SLC25A22: variants seen among roughly 807,000 people sequenced by gnomAD.
The protein encoded by SLC25A22 is solute carrier family 25 member 22, also known as mitochondrial glutamate carrier 1.
SLC25A22 carries 23 observed loss-of-function variants against 33.7 expected under a neutral mutation model. The ratio of observed to expected loss-of-function variants is 0.68; its 90% CI spans 0.49 to 0.97. The LOEUF (loss-of-function observed/expected upper bound fraction) is 0.97. SLC25A22 is among the 50% of genes least tolerant of loss of function. SLC25A22 has a pLI of 0.00. For synonymous variants in SLC25A22, 245 were observed against 203.8 expected, an observed-to-expected ratio of 1.20 and a Z score of -1.72; for missense variants, 390 against 451.1, an observed-to-expected ratio of 0.86 and a Z score of 1.23.
At chr11:794,014 C>T (rs1864664402) in intron 4 of SLC25A22, 2 of 466,934 alleles carry the variant, frequency 4.3e-6, no homozygotes, top group Admixed American at 3.3e-5. Flanking sequence ...TGGGCCAGAG[C>T]TCGGGGGAGG....
In SLC25A22 at chr11:793,087, C is replaced by T. The variant is rs979957861; in HGVS notation, c.294-99G>A. 6.2e-5 allele frequency: 72 copies of T among 1,170,668 alleles called. No homozygotes were observed. In the South Asian group the frequency reaches 7.6e-4, roughly 12 times the overall value. 72.5% of individuals were successfully genotyped at this position (1,170,668 alleles called of 1,614,324 possible). A position where few individuals can be genotyped will look rare whatever the true frequency, so the allele number is the denominator to read the frequency against. On this transcript the variant is annotated intron_variant, in intron 5 of 9. Coordinates refer to ENST00000628067, the MANE Select transcript of SLC25A22 (RefSeq NM_001191061.2). ...CCTGGGCGCAGAGGATGGTGGGAGC[C>T]GTGGAGGCAGATGCAGGCCTGTGGG...
Position 794,902 on chromosome 11 carries a change from C to T in SLC25A22, c.21-1G>A. ...GCCATTGATGAGCTTGGCTGGCAGG[C>T]TGTGTGGACAGGGGTGTCAGGACCG... On this transcript the variant is annotated splice_acceptor_variant, in intron 2 of 9. Coordinates refer to ENST00000628067, the MANE Select transcript of SLC25A22 (RefSeq NM_001191061.2). LOFTEE classifies it high-confidence loss of function. 6.4e-7 allele frequency: 1 copy of T among 1,565,036 alleles called. No homozygotes were observed. The highest frequency in any genetic ancestry group is 8.7e-7 in the Non-Finnish European group (1 of 1,154,736).
Position 792,618 on chromosome 11 carries a change from G to T in SLC25A22, c.522C>A (p.Thr174=). The T allele has an allele frequency of 1.9e-6, 3 of 1,604,250 alleles. No homozygotes were observed. The highest frequency in any genetic ancestry group is 1.1e-5 in the South Asian group (1 of 90,228). ...AAPRPTATQL[T]RDLLRSRGIA... is the part of the protein sequence containing the mutation. Reference sequence around the variant, plus strand: ...TGCCACGGCTCCGCAGCAGGTCGCGGGTCAGCTGGGTGGCCGTGGGCCGAG... The same window carrying T: ...TGCCACGGCTCCGCAGCAGGTCGCGTGTCAGCTGGGTGGCCGTGGGCCGAG... Residue 174 remains threonine, a synonymous_variant, in exon 7 of 10, where the codon ACC becomes ACA. Transcript: ENST00000628067.
Position 792,727 on chromosome 11 carries a change from G to T in SLC25A22, c.413C>A (p.Ala138Asp). Residue 138 changes from alanine to aspartate, a missense_variant and splice_region_variant, in exon 7 of 10, where the codon GCC (alanine) becomes GAC (aspartate). Coordinates refer to ENST00000628067, the MANE Select transcript of SLC25A22 (RefSeq NM_001191061.2). ...GGCAGCCAGGATCTTCCTCTGGGCG[G>T]CTGGGGACAAAGAGGCTGCTGTCTC... ...KIQLQDAGRIAAQRKILAAQG... is the reference protein window; with the variant it reads ...KIQLQDAGRIDAQRKILAAQG... 1 of 1,546,142 alleles carries T rather than the reference G, an allele frequency of 6.5e-7. No individual in the cohort carries two copies. The highest frequency in any genetic ancestry group is 8.7e-7 in the Non-Finnish European group (1 of 1,150,148).
Position 795,159 on chromosome 11 carries a change from C to T in SLC25A22, c.-153G>A. Reference sequence around the variant, plus strand: ...GGGAATTTCCAGGCGTCAGCAACCGCCACTTCTGTCCTAGAAGGATGAGGG... The same window carrying T: ...GGGAATTTCCAGGCGTCAGCAACCGTCACTTCTGTCCTAGAAGGATGAGGG... On this transcript the variant is annotated 5_prime_UTR_variant, in exon 2 of 10. Transcript: ENST00000628067. 1 of 884,316 alleles carries T rather than the reference C, an allele frequency of 1.1e-6. No individual in the cohort carries two copies. Among genetic ancestry groups the T allele is most frequent in the Non-Finnish European group, 1.8e-6 (1 of 554,222 alleles). The allele number at this position is 884,316 out of a possible 1,614,324, so 54.8% of individuals were successfully genotyped here. A position where few individuals can be genotyped will look rare whatever the true frequency, so the allele number is the denominator to read the frequency against.
In SLC25A22 at chr11:795,123, T is replaced by A; in HGVS notation, c.-117A>T. ...GGGACCCAGGGGGGTTGGGTGGTGC[T>A]CCACCTTCAGGGGAATTTCCAGGCG... On this transcript the variant is annotated 5_prime_UTR_variant, in exon 2 of 10. Coordinates refer to ENST00000628067, the MANE Select transcript of SLC25A22 (RefSeq NM_001191061.2). 1.6e-6 allele frequency: 2 copies of A among 1,287,274 alleles called. No homozygotes were observed. Among genetic ancestry groups the A allele is most frequent in the Non-Finnish European group, 2.2e-6 (2 of 919,528 alleles). 79.7% of individuals were successfully genotyped at this position (1,287,274 alleles called of 1,614,324 possible).
intron 1 of SLC25A22, chr11:796,291 CGTGGGGCGGG>C (rs1056942445): frequency 7.3e-5 from 5 of 68,028 alleles, no homozygotes; most frequent in Admixed American, 2.6e-4. Flanking sequence ...AGGGATTGGC[CGTGGGGCGGG>C]GTGGGGCGGG....
chr11:796,119 C>G (rs987893714), intron 1 of SLC25A22: 1 of 152,626 alleles, frequency 6.6e-6, no homozygotes, highest in Admixed American at 6.5e-5. Context: ...TTCACCTCGG[C>G]TTTCCAGGGC....
chr11:793,369 G>C (rs1320191082), intron 5 of SLC25A22, 160 bp downstream of exon 5: 5 of 711,860 alleles, frequency 7.0e-6, no homozygotes, highest in Non-Finnish European at 1.2e-5. Context: ...TGCTCCCCTG[G>C]TCAGGGGAAA....
chr11:794,781 C>G lies in SLC25A22; in HGVS notation c.141G>C (p.Thr47=), dbSNP rs781681487. The G allele has an allele frequency of 1.1e-5, 17 of 1,598,060 alleles. No homozygotes were observed. The Admixed American group carries it at 2.4e-4, about 23-fold the overall frequency. Residue 47 remains threonine, a synonymous_variant, in exon 3 of 10, where the codon ACG becomes ACC. Coordinates refer to ENST00000628067, the MANE Select transcript of SLC25A22 (RefSeq NM_001191061.2). The stretch of plus-strand genomic sequence containing the variant: ...CGACCGCCCGGCACACTCACATGCT[C>G]GTGTACACGCGCTGGCCGTTCTGCT... ...QNQQNGQRVY[T]SMSDCLIKTV...
rs1370769193 is a variant in SLC25A22, at chr11:798,253, CCGCGCTCGG to C, written c.-209_-201del. The C allele has an allele frequency of 5.1e-6, 2 of 388,800 alleles. No individual in the cohort carries two copies. The highest frequency in any genetic ancestry group is 4.2e-5 in the African/African-American group (2 of 48,076). 24.1% of individuals were successfully genotyped at this position (388,800 alleles called of 1,614,324 possible). On this transcript the variant is annotated 5_prime_UTR_variant, in exon 1 of 10. Coordinates refer to ENST00000628067, the MANE Select transcript of SLC25A22 (RefSeq NM_001191061.2). ...CCGCCGCCGCGCTCGCCTGCCCGCC[CCGCGCTCGG>C]CCAGCACCTAGGCGGGGAGGCGCGT...
At chr11:794,415 A>G (rs1465734925) in intron 4 of SLC25A22, 43 bp downstream of exon 4, 2 of 1,602,284 alleles carry the variant, frequency 1.2e-6, no homozygotes, top group Admixed American at 3.4e-5. Context: ...CGCGGGCGCT[A>G]CCCAGGCCTG....
chr11:793,024 G>C, intron 5 of SLC25A22, 36 bp from the exon 6 acceptor site: 1 of 1,599,630 alleles, frequency 6.3e-7, no homozygotes, highest in South Asian at 1.1e-5. Flanking sequence ...AGTGGGAAGA[G>C]ACAGGTCTAC....
chr11:792,665 A>T lies in SLC25A22; in HGVS notation c.475T>A (p.Ser159Thr), dbSNP rs2133701589. The change falls in exon 7 of 10, where the codon TCA becomes ACA. Residue 159 changes from serine to threonine, a missense_variant. Physicochemically the swap from Ser to Thr is moderately conservative, Grantham distance 58 (BLOSUM62 1). Coordinates refer to ENST00000628067, the MANE Select transcript of SLC25A22 (RefSeq NM_001191061.2). ...CGAGGGGCAGCTGGAGCCTCCACTG[A>T]GGGCTGGGCACCCCCCTGGGCCGAG... ...QLSAQGGAQPSVEAPAAPRPT... is the reference protein window; with the variant it reads ...QLSAQGGAQPTVEAPAAPRPT... The T allele has an allele frequency of 6.4e-7, 1 of 1,568,276 alleles. No homozygotes were observed.
chr11:797,216 C>T (rs780936352), intron 1 of SLC25A22, among the ~76,000 whole-genome samples: 3 of 152,176 alleles, frequency 2.0e-5, no homozygotes, highest in Non-Finnish European at 4.4e-5. Flanking sequence ...GAGAGGCAGG[C>T]CTGGGCCCGC....
At chr11:794,183 G>A in intron 4 of SLC25A22, 1 of 691,658 alleles carries the variant, frequency 1.4e-6, no homozygotes, top group Non-Finnish European at 2.6e-6. Flanking sequence ...GAAGGCAGAG[G>A]CAGCTGTGGC....
intron 1 of SLC25A22, among the ~76,000 whole-genome samples, chr11:796,817 C>T (rs1864849529): frequency 6.6e-6 from 1 of 152,216 alleles, no homozygotes; most frequent in Non-Finnish European, 1.5e-5. Context: ...AGCTGGCATG[C>T]CCAGAGCCCT....
chr11:795,353 T>A, intron 1 of SLC25A22, 184 bp from the exon 2 acceptor site: 1 of 372,094 alleles, frequency 2.7e-6, no homozygotes, highest in Non-Finnish European at 4.9e-6. Flanking sequence ...TGGGACCACC[T>A]GGCTTCCTTT....
intron 3 of SLC25A22, 108 bp downstream of exon 3, chr11:794,668 C>T (rs1032612098): frequency 1.3e-6 from 2 of 1,534,988 alleles, no homozygotes; most frequent in East Asian, 4.8e-5. Context: ...GCCCGCCTGC[C>T]TCCCGTTTCC....
Sources: allele counts gnomAD v4.1 joint callset (sites outside exome capture counted in the v4.1 genomes callset), GRCh38; gene constraint gnomAD v4.1.1; transcripts MANE v1.5; gene names NCBI Gene and HGNC (gene_info 2026-07-23, HGNC 2026-07-21).